Variants in PDE8A observed in about 807,000 individuals in gnomAD.
The protein encoded by PDE8A is phosphodiesterase 8A.
In PDE8A, 59 loss-of-function variants were observed where a neutral mutation model predicts 105.0. The observed-to-expected ratio is 0.56, with a 90% CI of 0.46 to 0.70. The LOEUF (loss-of-function observed/expected upper bound fraction) is 0.70. PDE8A is among the 30% of genes least tolerant of loss of function. PDE8A has a pLI of 0.00. For missense variants in PDE8A, 1,014 were observed against 1,045.9 expected (o/e 0.97, Z 0.42); for synonymous variants, 355 against 371.9 (o/e 0.95, Z 0.52).
At chr15:85,089,280 C>G in intron 6 of PDE8A, 58 bp from the exon 7 acceptor site, 1 of 892,050 alleles carries the variant, frequency 1.1e-6, no homozygotes, top group South Asian at 1.5e-5. Context: ...TGTAATAACC[C>G]AAGATTTTAT....
At chr15:85,060,324 C>A (rs1250526489) in intron 1 of PDE8A, among the ~76,000 whole-genome samples, 1 of 152,170 alleles carries the variant, frequency 6.6e-6, no homozygotes, top group African/African-American at 2.4e-5. Context: ...GCTTTATTCC[C>A]ACCCTTTTCA....
At chr15:85,051,072 T>C (rs532067423) in intron 1 of PDE8A, among the ~76,000 whole-genome samples, 17 of 152,360 alleles carry the variant, frequency 1.1e-4, no homozygotes, top group Non-Finnish European at 1.5e-4. Flanking sequence ...GATGCTATTG[T>C]AATTGGAATT....
rs560901859 is a variant in PDE8A at position 85,044,645 on chromosome 15, C to T, written c.187-19725C>T. ...GTCCTGTCCATCAGCAAGTCCTGAT[C>T]ACTCTCTCCAAAACACATCCTAAAT... is the stretch of plus-strand genomic sequence containing the variant. On this transcript the variant is annotated intron_variant, in intron 1 of 21. Transcript: ENST00000394553. 1.9e-4 allele frequency among the ~76,000 whole-genome samples: 29 copies of T among 152,312 alleles called. No homozygotes were observed. In the South Asian group the frequency reaches 4.8e-3, roughly 25 times the overall value.
intron 6 of PDE8A, 50 bp downstream of exon 6, chr15:85,083,694 G>T (rs1265224641): frequency 6.0e-6 from 7 of 1,165,064 alleles, no homozygotes; most frequent in Non-Finnish European, 9.0e-6. Flanking sequence ...GGGCAGCATG[G>T]CAAGTGAGAA....
chr15:85,043,252 G>C (rs2080837730), intron 1 of PDE8A, among the ~76,000 whole-genome samples: 1 of 152,178 alleles, frequency 6.6e-6, no homozygotes, highest in Non-Finnish European at 1.5e-5. Flanking sequence ...TTCTTTAGAA[G>C]GGAGTTAAAT....
At chr15:85,131,391 T>C (rs1164561213) in intron 20 of PDE8A, among the ~76,000 whole-genome samples, 3 of 152,216 alleles carry the variant, frequency 2.0e-5, no homozygotes, top group Non-Finnish European at 2.9e-5. Flanking sequence ...TTATTTGATA[T>C]TTTGTAATGG....
chr15:85,116,407 A>G, intron 16 of PDE8A: 1 of 364,844 alleles, frequency 2.7e-6, no homozygotes, highest in Non-Finnish European at 5.0e-6. Context: ...GTAGGTGGTA[A>G]TATGTTAAGA....
chr15:85,041,536 TC>T (rs1443141631), intron 1 of PDE8A, among the ~76,000 whole-genome samples: 1 of 152,236 alleles, frequency 6.6e-6, no homozygotes, highest in Non-Finnish European at 1.5e-5. Flanking sequence ...ACTACGATGT[TC>T]TAACAAGTGT....
chr15:85,021,483 A>G (rs994770890), intron 1 of PDE8A, among the ~76,000 whole-genome samples: 1 of 152,146 alleles, frequency 6.6e-6, no homozygotes, highest in Non-Finnish European at 1.5e-5. Flanking sequence ...GCTTGTGCCC[A>G]GGAATTCAAG....
intron 5 of PDE8A, 81 bp from the exon 6 acceptor site, chr15:85,083,475 G>A (rs2081500063): frequency 2.5e-6 from 2 of 798,058 alleles, no homozygotes; most frequent in African/African-American, 1.7e-5. Context: ...AAGTTGAGAA[G>A]TTTGTTTAAA....
At chr15:84,993,830 G>T (rs2079931856) in intron 1 of PDE8A, among the ~76,000 whole-genome samples, 1 of 152,224 alleles carries the variant, frequency 6.6e-6, no homozygotes, top group African/African-American at 2.4e-5. Context: ...TGAGGTTGCA[G>T]TGAGCTATGA....
chr15:85,134,385 A>G (rs1358946580), intron 20 of PDE8A, among the ~76,000 whole-genome samples: 1 of 152,158 alleles, frequency 6.6e-6, no homozygotes, highest in Non-Finnish European at 1.5e-5. Flanking sequence ...GGACAGGCCC[A>G]TGGGGTGTGA....
chr15:85,076,983 C>G (rs1419769766), intron 5 of PDE8A, among the ~76,000 whole-genome samples, 196 bp downstream of exon 5: 1 of 151,926 alleles, frequency 6.6e-6, no homozygotes, highest in Non-Finnish European at 1.5e-5. Context: ...GAGTTCAAGA[C>G]CAGCCTGGGC....
intron 1 of PDE8A, 58 bp from the exon 2 acceptor site, chr15:85,064,312 A>T: frequency 6.1e-6 from 8 of 1,316,506 alleles, no homozygotes; most frequent in South Asian, 1.2e-5. Flanking sequence ...AGAGAGAAAA[A>T]GTTAAGCTTC....
chr15:85,014,326 T>C (rs2080288659), intron 1 of PDE8A, among the ~76,000 whole-genome samples: 1 of 152,146 alleles, frequency 6.6e-6, no homozygotes, highest in African/African-American at 2.4e-5. Context: ...TCATCACATA[T>C]TTCATTCATT....
At chr15:85,087,852 T>G (rs2141520436) in intron 6 of PDE8A, among the ~76,000 whole-genome samples, 1 of 152,342 alleles carries the variant, frequency 6.6e-6, no homozygotes, top group East Asian at 1.9e-4. Flanking sequence ...TACAAGTTAA[T>G]GCCTAGAACA....
chr15:85,025,499 C>T lies in PDE8A; in HGVS notation c.187-38871C>T, dbSNP rs143088627. Among the ~76,000 whole-genome samples, 72 of 152,276 alleles carry T rather than the reference C, an allele frequency of 4.7e-4. No individual in the cohort carries two copies. In the East Asian group the frequency reaches 0.011, roughly 24 times the overall value. On this transcript the variant is annotated intron_variant, in intron 1 of 21. Transcript: ENST00000394553. The stretch of plus-strand genomic sequence containing the variant: ...CTAGTGACATTTAAAGAAAGAAACC[C>T]AAAGCCCAGTTAACCAATTACACTT...
chr15:85,054,660 T>C (rs1458499928), intron 1 of PDE8A, among the ~76,000 whole-genome samples: 5 of 152,206 alleles, frequency 3.3e-5, no homozygotes, highest in Non-Finnish European at 7.3e-5. Flanking sequence ...TCGGTGGTTA[T>C]ATTCCCTTCA....
At chr15:85,118,489 C>T (rs2082130754) in intron 17 of PDE8A, among the ~76,000 whole-genome samples, 1 of 152,200 alleles carries the variant, frequency 6.6e-6, no homozygotes, top group African/African-American at 2.4e-5. Flanking sequence ...CTTGCCTGCC[C>T]TGCCTCCCAT....
Sources: allele counts gnomAD v4.1 joint callset (sites outside exome capture counted in the v4.1 genomes callset), GRCh38; gene constraint gnomAD v4.1.1; transcripts MANE v1.5; gene names NCBI Gene and HGNC (gene_info 2026-07-23, HGNC 2026-07-21).